PRSS12: variants seen among roughly 807,000 people sequenced by gnomAD.
The protein encoded by PRSS12 is neurotrypsin.
Under a neutral mutation model 104.4 loss-of-function variants are expected in PRSS12, and 85 were observed. The observed-to-expected ratio is 0.81, with a 90% CI of 0.68 to 0.98. The LOEUF is 0.98. Among genes scored for constraint, PRSS12 ranks in the 50% least tolerant of loss-of-function variants. The probability of loss-of-function intolerance (pLI) is 0.00; values close to 1 mark genes in which losing one functional copy is unlikely to be tolerated. For synonymous variants in PRSS12, 454 were observed against 425.2 expected, an observed-to-expected ratio of 1.07 and a Z score of -0.83; for missense variants, 1,141 against 1,139.2, an observed-to-expected ratio of 1.00 and a Z score of -0.02.
chr4:118,352,150 A>C (rs1289854876), intron 1 of PRSS12, 69 bp downstream of exon 1: 2 of 1,590,622 alleles, frequency 1.3e-6, no homozygotes, highest in Non-Finnish European at 1.7e-6. Flanking sequence ...AGAGACCTGT[A>C]CGCCGGCCCC....
At chr4:118,331,575 A>C in intron 4 of PRSS12, 141 bp downstream of exon 4, 1 of 1,137,908 alleles carries the variant, frequency 8.8e-7, no homozygotes, top group Non-Finnish European at 1.3e-6. Context: ...CAGGAAGCCT[A>C]CAGCCCTACT....
At chr4:118,351,867 C>T (rs1724514399) in intron 1 of PRSS12, among the ~76,000 whole-genome samples, 1 of 152,074 alleles carries the variant, frequency 6.6e-6, no homozygotes, top group Admixed American at 6.5e-5. Context: ...ACCCACTCAA[C>T]GTAAGCTAAT....
chr4:118,287,591 G>A (rs541088370), intron 11 of PRSS12, among the ~76,000 whole-genome samples: 1 of 152,312 alleles, frequency 6.6e-6, no homozygotes, highest in Admixed American at 6.5e-5. Flanking sequence ...GATTGGAATA[G>A]TTTTCCAACC....
chr4:118,297,712 T>C (rs1743286569), intron 9 of PRSS12, among the ~76,000 whole-genome samples: 1 of 152,142 alleles, frequency 6.6e-6, no homozygotes, highest in African/African-American at 2.4e-5. Context: ...GTGCACCTGA[T>C]TTTAACAAAA....
intron 1 of PRSS12, among the ~76,000 whole-genome samples, chr4:118,339,176 G>A (rs1335522168): frequency 6.6e-6 from 1 of 152,182 alleles, no homozygotes; most frequent in Non-Finnish European, 1.5e-5. Context: ...ACTGGTTCCA[G>A]AGCAGGCACT....
chr4:118,316,279 G>T lies in PRSS12; in HGVS notation c.1195C>A (p.Arg399Ser). ...LAGGKGSHEG[R>S]LEVYYRGQWG... Reference sequence around the variant, plus strand: ...TGGCCTCTGTAATATACCTCCAAGCGACCCTCATGGCTGCCTTTCCCACCT... The same window carrying T: ...TGGCCTCTGTAATATACCTCCAAGCTACCCTCATGGCTGCCTTTCCCACCT... The change falls in exon 6 of 13, where the codon CGC becomes AGC. Residue 399 changes from arginine (R) to serine (S), a missense_variant. Arg to Ser is a moderately radical substitution (Grantham distance 110). Coordinates refer to ENST00000296498, the MANE Select transcript of PRSS12 (RefSeq NM_003619.4). 2 of 1,613,862 alleles carry T rather than the reference G, an allele frequency of 1.2e-6. No individual in the cohort carries two copies. Among genetic ancestry groups the T allele is most frequent in the Non-Finnish European group, 1.7e-6 (2 of 1,179,980 alleles).
At position 118,298,635 on chromosome 4, in the gene PRSS12, C is replaced by T. The variant is rs1418677550; in HGVS notation, c.1837+98G>A. 3.3e-6 allele frequency: 4 copies of T among 1,218,820 alleles called. No homozygotes were observed. The African/African-American group carries it at 6.0e-5, about 18-fold the overall frequency. The allele number at this position is 1,218,820 out of a possible 1,614,324, so 75.5% of individuals were successfully genotyped here. ...CACAAGACATGGATCTGTATACGTT[C>T]TTGTTGTACTAGATTTCTGTTATCA... On this transcript the variant is annotated intron_variant, in intron 9 of 12. Transcript: ENST00000296498.
intron 1 of PRSS12, 77 bp downstream of exon 1, chr4:118,352,142 A>G: frequency 6.3e-7 from 1 of 1,577,104 alleles, no homozygotes; most frequent in East Asian, 2.3e-5. Context: ...TTTTTCCAAG[A>G]GACCTGTACG....
At chr4:118,341,111 G>T (rs1724195787) in intron 1 of PRSS12, among the ~76,000 whole-genome samples, 1 of 152,156 alleles carries the variant, frequency 6.6e-6, no homozygotes, top group Admixed American at 6.5e-5. Context: ...GAAACAAGGG[G>T]TTCTGGTGTC....
chr4:118,339,950 G>A (rs1220741447), intron 1 of PRSS12, among the ~76,000 whole-genome samples: 8 of 152,038 alleles, frequency 5.3e-5, no homozygotes, highest in Non-Finnish European at 8.8e-5. Flanking sequence ...CCTTAATCAC[G>A]AAGTTACTCA....
chr4:118,352,708 G>C lies in PRSS12; in HGVS notation c.13C>G (p.Arg5Gly). The C allele has an allele frequency of 6.2e-7, 1 of 1,612,992 alleles. No homozygotes were observed. Among genetic ancestry groups the C allele is most frequent in the Non-Finnish European group, 8.5e-7 (1 of 1,179,372 alleles). ...CCTAACATCAGGGCTAGCACGAAGC[G>C]GGCGAGCGTCATGGTGCCAGCGCTG... MTLARFVLALMLGAL... is the reference protein window; with the variant it reads MTLAGFVLALMLGAL... The change falls in exon 1 of 13, where the codon CGC becomes GGC. Residue 5 changes from arginine to glycine, a missense_variant. Coordinates refer to ENST00000296498, the MANE Select transcript of PRSS12 (RefSeq NM_003619.4).
In PRSS12 at chr4:118,352,837, C is replaced by G. The variant is rs1724561684; in HGVS notation, c.-117G>C. The G allele has an allele frequency of 6.7e-7, 1 of 1,498,032 alleles. No individual in the cohort carries two copies. 92.8% of individuals were successfully genotyped at this position (1,498,032 alleles called of 1,614,324 possible). Reference sequence around the variant, plus strand: ...CCTCGAATCCCCCAGCCCCCTCCCGCCCCCGCACGCGGACCGCCCTCGCCT... The same window carrying G: ...CCTCGAATCCCCCAGCCCCCTCCCGGCCCCGCACGCGGACCGCCCTCGCCT... On this transcript the variant is annotated 5_prime_UTR_variant, in exon 1 of 13. Transcript: ENST00000296498.
rs1033066518 is a variant in PRSS12 at position 118,346,723 on chromosome 4, C to T, written c.502+5496G>A. 3.3e-5 allele frequency among the ~76,000 whole-genome samples: 5 copies of T among 152,266 alleles called. No homozygotes were observed. In the East Asian group the frequency reaches 9.7e-4, roughly 29 times the overall value. On this transcript the variant is annotated intron_variant, in intron 1 of 12. Coordinates refer to ENST00000296498, the MANE Select transcript of PRSS12 (RefSeq NM_003619.4). ...CATCGCTCACATTACCACCTGAGCT[C>T]TGCCTCCTAAGCTCTGCCTCCTATC...
chr4:118,302,195 A>T (rs1743419785), intron 8 of PRSS12, among the ~76,000 whole-genome samples: 1 of 152,200 alleles, frequency 6.6e-6, no homozygotes, highest in Non-Finnish European at 1.5e-5. Context: ...AATCACTCTT[A>T]CATTCCTACA....
At chr4:118,316,800 C>A (rs1461212758) in intron 5 of PRSS12, among the ~76,000 whole-genome samples, 2 of 129,110 alleles carry the variant, frequency 1.5e-5, no homozygotes, top group Non-Finnish European at 3.2e-5. Context: ...CCAGTCTGGG[C>A]AACAAAGCGA....
Position 118,316,169 on chromosome 4 carries a change from T to C in PRSS12, c.1292+13A>G. Reference sequence around the variant, plus strand: ...TCTGGCATTTAACTGCCTTTATAATTAATGAACCTTACTTAAATCCCAATT... The same window carrying C: ...TCTGGCATTTAACTGCCTTTATAATCAATGAACCTTACTTAAATCCCAATT... On this transcript the variant is annotated intron_variant, in intron 6 of 12. Coordinates refer to ENST00000296498, the MANE Select transcript of PRSS12 (RefSeq NM_003619.4). 1.2e-6 allele frequency: 2 copies of C among 1,613,948 alleles called. No homozygotes were observed. The highest frequency in any genetic ancestry group is 1.7e-6 in the Non-Finnish European group (2 of 1,179,874).
intron 4 of PRSS12, among the ~76,000 whole-genome samples, chr4:118,323,964 A>T (rs1476164033): frequency 6.6e-6 from 1 of 151,958 alleles, no homozygotes; most frequent in Non-Finnish European, 1.5e-5. Flanking sequence ...CAGTGGGACA[A>T]TCTTGGGTCA....
intron 8 of PRSS12, among the ~76,000 whole-genome samples, chr4:118,302,708 T>C (rs561549039): frequency 6.6e-6 from 1 of 152,338 alleles, no homozygotes; most frequent in South Asian, 2.1e-4. Flanking sequence ...ATTACAGGCG[T>C]GAGCCACCGT....
chr4:118,317,915 T>C (rs1723492945), intron 5 of PRSS12, among the ~76,000 whole-genome samples: 2 of 152,238 alleles, frequency 1.3e-5, no homozygotes, highest in Admixed American at 1.3e-4. Context: ...TTGACAGGCA[T>C]GCTGTCATTT....
Sources: gnomAD v4.1 joint callset for allele counts (sites outside exome capture counted in the v4.1 genomes callset) on GRCh38, gnomAD v4.1.1 for gene constraint, MANE v1.5 for transcripts, NCBI Gene and HGNC (gene_info 2026-07-23, HGNC 2026-07-21) for gene names.